LARGE1: variants seen among roughly 807,000 people sequenced by gnomAD.
LARGE1 encodes xylosyl- and glucuronyltransferase LARGE1.
Under a neutral mutation model 87.6 loss-of-function variants are expected in LARGE1, and 43 were observed. The observed-to-expected ratio is 0.49, with a 90% CI of 0.38 to 0.63. The LOEUF (loss-of-function observed/expected upper bound fraction) is 0.63. Among genes scored for constraint, LARGE1 ranks in the 30% least tolerant of loss-of-function variants. LARGE1 has a pLI of 0.00. For missense variants in LARGE1, 802 were observed against 1,000.2 expected, an observed-to-expected ratio of 0.80 and a Z score of 2.67; for synonymous variants, 434 against 394.6, an observed-to-expected ratio of 1.10 and a Z score of -1.18.
chr22:33,897,719 G>T (rs918239052), intron 1 of LARGE1, among the ~76,000 whole-genome samples: 1 of 152,150 alleles, frequency 6.6e-6, no homozygotes, highest in African/African-American at 2.4e-5. Context: ...TGTTGAAGGG[G>T]ACAAATAAAA....
intron 1 of LARGE1, among the ~76,000 whole-genome samples, chr22:33,823,689 A>G (rs893540501): frequency 6.6e-6 from 1 of 152,168 alleles, no homozygotes; most frequent in Admixed American, 6.5e-5. Context: ...CACACAGCCA[A>G]TGACTTCTCC....
At chr22:33,156,490 T>C in the LARGE1 span, among the ~76,000 whole-genome samples, 3 of 152,230 alleles carry the variant, frequency 2.0e-5, no homozygotes, top group African/African-American at 7.2e-5. Context: ...ATTTCTGACT[T>C]GCTTGGTGCC....
At chr22:33,543,319 G>A (rs2077264587) in intron 6 of LARGE1, among the ~76,000 whole-genome samples, 1 of 152,196 alleles carries the variant, frequency 6.6e-6, no homozygotes, top group South Asian at 2.1e-4. Flanking sequence ...AGATCAAAGA[G>A]ATAATTCAGC....
At chr22:33,515,218 T>C (rs561069759) in intron 6 of LARGE1, among the ~76,000 whole-genome samples, 13 of 152,248 alleles carry the variant, frequency 8.5e-5, no homozygotes, top group African/African-American at 3.1e-4. Context: ...CCACACTTGT[T>C]GGTGCTGAGG....
intron 1 of LARGE1, among the ~76,000 whole-genome samples, chr22:33,900,433 G>T (rs1319891000): frequency 6.6e-6 from 1 of 152,130 alleles, no homozygotes; most frequent in East Asian, 1.9e-4. Context: ...CACTTGCTTG[G>T]AATGAAGAGC....
the LARGE1 span, among the ~76,000 whole-genome samples, chr22:33,069,999 T>C: frequency 6.6e-6 from 1 of 152,122 alleles, no homozygotes; most frequent in African/African-American, 2.4e-5. Context: ...TAATTTTGTA[T>C]TTTTAGTAGA....
the LARGE1 span, among the ~76,000 whole-genome samples, chr22:33,129,987 G>A: frequency 6.6e-6 from 1 of 152,146 alleles, no homozygotes; most frequent in Non-Finnish European, 1.5e-5. Context: ...GCGTATGTGA[G>A]CTCTATTATT....
At chr22:33,661,688 C>G (rs1261825094) in intron 2 of LARGE1, among the ~76,000 whole-genome samples, 1 of 152,114 alleles carries the variant, frequency 6.6e-6, no homozygotes, top group East Asian at 1.9e-4. Context: ...CCTCCTGCTT[C>G]ACTTGAGAGG....
chr22:33,911,088 G>A (rs571642749), intron 1 of LARGE1, among the ~76,000 whole-genome samples: 98 of 152,292 alleles, frequency 6.4e-4, no homozygotes, highest in African/African-American at 2.3e-3. Flanking sequence ...AAAAATGACC[G>A]AATGAGAGAG....
At chr22:33,429,390 G>A (rs575214551) in intron 7 of LARGE1, among the ~76,000 whole-genome samples, 1 of 152,298 alleles carries the variant, frequency 6.6e-6, no homozygotes, top group South Asian at 2.1e-4. Flanking sequence ...TACCAGCGAG[G>A]AGGGAAGTAA....
intron 9 of LARGE1, among the ~76,000 whole-genome samples, chr22:33,362,046 C>G (rs1010205800): frequency 6.7e-6 from 1 of 149,512 alleles, no homozygotes; most frequent in South Asian, 2.2e-4. Flanking sequence ...ACAGAATTCT[C>G]TCATGCTCCT....
chr22:33,310,876 C>T (rs1448588598), intron 11 of LARGE1, among the ~76,000 whole-genome samples: 7 of 151,848 alleles, frequency 4.6e-5, no homozygotes, highest in East Asian at 3.9e-4. Context: ...GAGTGGGTAT[C>T]GTGTGTCTGC....
chr22:33,172,169 T>TAGAATGGC (rs1472900564), intron 11 of LARGE1, among the ~76,000 whole-genome samples: 2 of 152,254 alleles, frequency 1.3e-5, no homozygotes, highest in Non-Finnish European at 2.9e-5. Flanking sequence ...GGCCAATTTC[T>TAGAATGGC]CCCATTTAGA....
At chr22:33,585,549 A>G (rs1171790636) in intron 5 of LARGE1, among the ~76,000 whole-genome samples, 1 of 152,110 alleles carries the variant, frequency 6.6e-6, no homozygotes, top group East Asian at 1.9e-4. Flanking sequence ...CCCTCTTCCC[A>G]TCTACAGTCC....
At chr22:33,611,604 T>G (rs1471877557) in intron 4 of LARGE1, among the ~76,000 whole-genome samples, 2 of 152,216 alleles carry the variant, frequency 1.3e-5, no homozygotes, top group Non-Finnish European at 2.9e-5. Flanking sequence ...CATCTTCAGA[T>G]GGGACTTTGA....
chr22:33,085,878 G>A, the LARGE1 span, among the ~76,000 whole-genome samples: 1 of 152,052 alleles, frequency 6.6e-6, no homozygotes. Context: ...GGTGAATTTT[G>A]CTTCAAGCAA....
At chr22:33,428,538 C>T (rs1485089938) in intron 7 of LARGE1, among the ~76,000 whole-genome samples, 3 of 150,898 alleles carry the variant, frequency 2.0e-5, no homozygotes, top group African/African-American at 4.9e-5. Context: ...TGGTCTTCAA[C>T]TCCTGACCTC....
chr22:33,760,756 C>T (rs546312442), intron 2 of LARGE1, among the ~76,000 whole-genome samples: 28 of 152,150 alleles, frequency 1.8e-4, no homozygotes, highest in Admixed American at 7.2e-4. Flanking sequence ...CCCATCTCTA[C>T]GAAAAATAGA....
At chr22:33,187,980 C>T (rs1182645545) in intron 11 of LARGE1, among the ~76,000 whole-genome samples, 1 of 110,838 alleles carries the variant, frequency 9.0e-6, no homozygotes, top group African/African-American at 3.0e-5. Context: ...GGATAGATTT[C>T]AAGTGTTCTC....
Sources: gnomAD v4.1 joint callset for allele counts (sites outside exome capture counted in the v4.1 genomes callset) on GRCh38, gnomAD v4.1.1 for gene constraint, MANE v1.5 for transcripts, NCBI Gene and HGNC (gene_info 2026-07-23, HGNC 2026-07-21) for gene names.